The following CDKAL1 variants were observed in gnomAD, a reference collection of about 807,000 sequenced individuals.
CDKAL1 encodes the protein threonylcarbamoyladenosine tRNA methylthiotransferase.
In CDKAL1, 32 loss-of-function variants were observed where a neutral mutation model predicts 68.2. That is an observed-to-expected ratio of 0.47 (90% confidence interval 0.35 to 0.63). The LOEUF (loss-of-function observed/expected upper bound fraction) is 0.63. Among genes scored for constraint, CDKAL1 ranks in the 30% least tolerant of loss-of-function variants. CDKAL1 has a pLI of 0.00. For missense variants in CDKAL1, 606 were observed against 696.7 expected, an observed-to-expected ratio of 0.87 and a Z score of 1.47; for synonymous variants, 234 against 244.3, an observed-to-expected ratio of 0.96 and a Z score of 0.39.
Position 20,955,577 on chromosome 6 carries a change from C to T in CDKAL1, c.901C>T (p.His301Tyr). Residue 301 changes from histidine (H) to tyrosine (Y), a missense_variant, in exon 10 of 16, where the codon CAT becomes TAT. His to Tyr is a moderately conservative substitution (Grantham distance 83). Transcript: ENST00000274695. ...GMTNPPYILE[H>Y]LEEMAKILNH... ...GACAAATCCGCCCTATATTTTAGAGCATCTGGAGGTAAGGAAAAGCACCCT... is the reference window on the plus strand; with the variant it reads ...GACAAATCCGCCCTATATTTTAGAGTATCTGGAGGTAAGGAAAAGCACCCT... The T allele has an allele frequency of 6.2e-7, 1 of 1,613,946 alleles. No homozygotes were observed. The highest frequency in any genetic ancestry group is 8.5e-7 in the Non-Finnish European group (1 of 1,179,898).
intron 4 of CDKAL1, among the ~76,000 whole-genome samples, chr6:20,568,038 G>A (rs1449180892): frequency 6.6e-6 from 1 of 152,122 alleles, no homozygotes; most frequent in South Asian, 2.1e-4. Flanking sequence ...ACCACGCCCG[G>A]CTAATTTTTT....
intron 12 of CDKAL1, among the ~76,000 whole-genome samples, chr6:21,105,663 T>C (rs1386411084): frequency 1.3e-5 from 2 of 151,850 alleles, no homozygotes; most frequent in African/African-American, 4.8e-5. Flanking sequence ...CTGGAGGAGG[T>C]AGAAGATACT....
chr6:20,830,107 C>T (rs1011397581), intron 8 of CDKAL1, among the ~76,000 whole-genome samples: 13 of 152,196 alleles, frequency 8.5e-5, no homozygotes, highest in Middle Eastern at 3.4e-3. Flanking sequence ...CCACCTGCCT[C>T]GGCCTCCCAA....
chr6:20,732,263 C>CTTTTTTTTTT (rs56911987), intron 5 of CDKAL1, among the ~76,000 whole-genome samples: 425 of 83,494 alleles, frequency 5.1e-3, no homozygotes, highest in African/African-American at 6.2e-3. Flanking sequence ...TTCTTTCTTT[C>CTTTTTTTTTT]TTTTTTTTTT....
chr6:20,643,686 G>T (rs1768297025), intron 4 of CDKAL1, among the ~76,000 whole-genome samples: 1 of 152,184 alleles, frequency 6.6e-6, no homozygotes, highest in South Asian at 2.1e-4. Context: ...GGGTGATTGT[G>T]GGTTGGCTCA....
chr6:20,748,416 A>G (rs1252711622), intron 6 of CDKAL1, among the ~76,000 whole-genome samples: 1 of 151,790 alleles, frequency 6.6e-6, no homozygotes, highest in Non-Finnish European at 1.5e-5. Context: ...AGGCTGAGGC[A>G]GGAGGGTTGC....
intron 5 of CDKAL1, among the ~76,000 whole-genome samples, chr6:20,689,363 C>T (rs1438785839): frequency 1.3e-5 from 2 of 152,212 alleles, no homozygotes; most frequent in African/African-American, 4.8e-5. Flanking sequence ...CCTACCCTAA[C>T]ACTCGTTCCC....
At chr6:20,801,449 T>A (rs1023736712) in intron 8 of CDKAL1, among the ~76,000 whole-genome samples, 1 of 152,262 alleles carries the variant, frequency 6.6e-6, no homozygotes, top group African/African-American at 2.4e-5. Flanking sequence ...ACCATCTTTA[T>A]TATGTCATAT....
intron 9 of CDKAL1, among the ~76,000 whole-genome samples, chr6:20,891,558 C>T (rs1191817144): frequency 1.6e-5 from 2 of 123,642 alleles, no homozygotes; most frequent in African/African-American, 3.1e-5. Context: ...TTTTTTGAGA[C>T]GGAGTCTCAC....
At chr6:20,973,805 A>G (rs1428910897) in intron 10 of CDKAL1, among the ~76,000 whole-genome samples, 1 of 152,032 alleles carries the variant, frequency 6.6e-6, no homozygotes, top group Non-Finnish European at 1.5e-5. Context: ...TGGTCTCCCT[A>G]TGATGCCCAG....
At position 20,791,914 on chromosome 6, in the gene CDKAL1, A is replaced by C. The variant is rs187696797; in HGVS notation, c.638+10649A>C. Among the ~76,000 whole-genome samples, 292 of 152,162 alleles carry C rather than the reference A, an allele frequency of 1.9e-3. 1 individual carries two copies. Among genetic ancestry groups the C allele is most frequent in the African/African-American group, 6.5e-3 (268 of 41,518 alleles). ...TAGGAGCAGATCATTGGATGTATCC[A>C]AAGAGCCACCATCTGTCAGCTTTCC... On this transcript the variant is annotated intron_variant, in intron 8 of 15. Transcript: ENST00000274695.
At chr6:20,929,579 A>G (rs1462937406) in intron 9 of CDKAL1, among the ~76,000 whole-genome samples, 6 of 152,222 alleles carry the variant, frequency 3.9e-5, no homozygotes, top group African/African-American at 1.4e-4. Flanking sequence ...TTTGCCTTAC[A>G]TCTGACCTTT....
At chr6:20,787,873 CT>C (rs1345127810) in intron 8 of CDKAL1, among the ~76,000 whole-genome samples, 1 of 152,126 alleles carries the variant, frequency 6.6e-6, no homozygotes, top group Admixed American at 6.5e-5. Flanking sequence ...TACACAGATA[CT>C]GGTTTATAAG....
At chr6:20,799,040 G>GTTGTTTTTTTTTTTT (rs1776242510) in intron 8 of CDKAL1, among the ~76,000 whole-genome samples, 5 of 47,482 alleles carry the variant, frequency 1.1e-4, no homozygotes, top group African/African-American at 4.3e-4. Flanking sequence ...AAAGAACTGA[G>GTTGTTTTTTTTTTTT]TTTTTTTTTT....
chr6:21,065,210 A>G lies in CDKAL1; in HGVS notation c.1218A>G (p.Glu406=). Residue 406 remains glutamate (E), a synonymous_variant, in exon 12 of 16, where the codon GAA becomes GAG. Coordinates refer to ENST00000274695, the MANE Select transcript of CDKAL1 (RefSeq NM_017774.3). Reference sequence around the variant, plus strand: ...CAGGAACTCCTGCTGCAAAAATGGAACAAGTTCCAGCACAAGTGGTAAGAT... The same window carrying G: ...CAGGAACTCCTGCTGCAAAAATGGAGCAAGTTCCAGCACAAGTGGTAAGAT... ...PRPGTPAAKM[E]QVPAQVKKQR... 6.2e-7 allele frequency: 1 copy of G among 1,608,780 alleles called. No homozygotes were observed. Among genetic ancestry groups the G allele is most frequent in the Non-Finnish European group, 8.5e-7 (1 of 1,178,438 alleles).
At chr6:21,142,106 G>C (rs1775945726) in intron 13 of CDKAL1, among the ~76,000 whole-genome samples, 1 of 150,682 alleles carries the variant, frequency 6.6e-6, no homozygotes, top group South Asian at 2.1e-4. Flanking sequence ...GACTGGTCTA[G>C]GTGTTCCCAG....
intron 5 of CDKAL1, among the ~76,000 whole-genome samples, chr6:20,727,480 G>A (rs918826492): frequency 3.3e-5 from 5 of 152,162 alleles, no homozygotes; most frequent in Non-Finnish European, 5.9e-5. Context: ...AGAAGAAAAG[G>A]TTTGGGGCTT....
At chr6:21,083,532 T>C (rs1772525766) in intron 12 of CDKAL1, among the ~76,000 whole-genome samples, 1 of 152,192 alleles carries the variant, frequency 6.6e-6, no homozygotes, top group Non-Finnish European at 1.5e-5. Flanking sequence ...TTTACCCCCT[T>C]AATATTTAGT....
rs1261320046 is a variant in CDKAL1, at chr6:21,091,842, C to T, written c.1237-16559C>T. 2.8e-5 allele frequency among the ~76,000 whole-genome samples: 4 copies of T among 144,644 alleles called. No homozygotes were observed. In the East Asian group the frequency reaches 8.1e-4, roughly 29 times the overall value. 94.9% of individuals were successfully genotyped at this position (144,644 alleles called of 152,430 possible). On this transcript the variant is annotated intron_variant, in intron 12 of 15. Coordinates refer to ENST00000274695, the MANE Select transcript of CDKAL1 (RefSeq NM_017774.3). Reference sequence around the variant, plus strand: ...GGCTCATACTTGACAAATGCAGCAACAGGCTCAGAACTTTCTTTTTTTTTT... The same window carrying T: ...GGCTCATACTTGACAAATGCAGCAATAGGCTCAGAACTTTCTTTTTTTTTT...
Sources: allele counts gnomAD v4.1 joint callset (sites outside exome capture counted in the v4.1 genomes callset), GRCh38; gene constraint gnomAD v4.1.1; transcripts MANE v1.5; gene names NCBI Gene and HGNC (gene_info 2026-07-23, HGNC 2026-07-21).